Variants in TP73 observed in about 807,000 individuals in gnomAD.
TP73 encodes tumor protein p73.
In TP73, 25 loss-of-function variants were observed where a neutral mutation model predicts 62.5. That is an observed-to-expected ratio of 0.40 (90% CI 0.29 to 0.56). The LOEUF is 0.56. Ranked by LOEUF, TP73 falls within the 20% of genes least tolerant of loss-of-function variation. TP73 has a pLI of 0.46. For synonymous variants in TP73, 423 were observed against 377.5 expected (o/e 1.12, Z -1.40); for missense variants, 754 against 913.3 (o/e 0.83, Z 2.25).
At chr1:3,660,067 G>A (rs1644957840) in intron 1 of TP73, among the ~76,000 whole-genome samples, 2 of 152,202 alleles carry the variant, frequency 1.3e-5, no homozygotes, top group South Asian at 4.1e-4. Flanking sequence ...ATAGTAAGTG[G>A]CCAGCTAGGC....
chr1:3,664,464 C>G (rs183585951), intron 1 of TP73, among the ~76,000 whole-genome samples: 6 of 151,632 alleles, frequency 4.0e-5, no homozygotes, highest in African/African-American at 1.4e-4. Flanking sequence ...CAGTATTTCA[C>G]TGGGTCCTTT....
intron 4 of TP73, among the ~76,000 whole-genome samples, chr1:3,711,867 T>TGCGC (rs1553142279): frequency 2.0e-5 from 3 of 147,904 alleles, no homozygotes; most frequent in African/African-American, 7.4e-5. Flanking sequence ...TGTGTGTGTG[T>TGCGC]GCGCGAGCAT....
intron 4 of TP73, among the ~76,000 whole-genome samples, chr1:3,719,918 G>GTGTGTGTGTGTGTGTGTGTGTGTGTT (rs1395414013): frequency 6.6e-6 from 1 of 151,524 alleles, no homozygotes; most frequent in African/African-American, 2.4e-5. Context: ...GTGTGTGTGT[G>GTGTGTGTGTGTGTGTGTGTGTGTGTT]TGTGTGTGTG....
At chr1:3,726,901 C>CGATGGATAGGTG (rs1553146649) in intron 6 of TP73, among the ~76,000 whole-genome samples, 2 of 147,474 alleles carry the variant, frequency 1.4e-5, no homozygotes, top group African/African-American at 2.5e-5. Context: ...TAAATGGGTT[C>CGATGGATAGGTG]GATGGATGGA....
chr1:3,711,409 C>A (rs919278604), intron 4 of TP73, among the ~76,000 whole-genome samples: 4 of 152,274 alleles, frequency 2.6e-5, no homozygotes, highest in Non-Finnish European at 5.9e-5. Context: ...GTGGTGTGGA[C>A]AGCTGGTTCC....
intron 1 of TP73, among the ~76,000 whole-genome samples, chr1:3,677,142 C>T (rs554776001): frequency 1.3e-5 from 2 of 152,204 alleles, no homozygotes; most frequent in East Asian, 3.9e-4. Flanking sequence ...CACCTGTGCT[C>T]CGTGGGTCCC....
chr1:3,726,578 AGTGGATGGATGGATGGATGGG>A (rs1375763427), intron 6 of TP73, among the ~76,000 whole-genome samples: 4 of 110,266 alleles, frequency 3.6e-5, no homozygotes, highest in African/African-American at 1.4e-4. Flanking sequence ...TAAGTGGGGG[AGTGGATGGATGGATGGATGGG>A]GTGGATGGAT....
chr1:3,733,132 C>T lies in TP73; in HGVS notation c.*53C>T. The T allele has an allele frequency of 1.4e-6, 2 of 1,473,730 alleles. No homozygotes were observed. Among genetic ancestry groups the T allele is most frequent in the Non-Finnish European group, 1.8e-6 (2 of 1,108,876 alleles). The allele number at this position is 1,473,730 out of a possible 1,614,324, so 91.3% of individuals were successfully genotyped here. A position where few individuals can be genotyped will look rare whatever the true frequency, so the allele number is the denominator to read the frequency against. On this transcript the variant is annotated 3_prime_UTR_variant, in exon 14 of 14. Coordinates refer to ENST00000378295, the MANE Select transcript of TP73 (RefSeq NM_005427.4). ...ACCGCCCAGAGACCCAAGCTGCCTC[C>T]CCTCTCCTTCCTGTGTGTCCAAAAC...
In TP73 at chr1:3,730,000, G is replaced by A; in HGVS notation, c.1197G>A (p.Pro399=). The change falls in exon 11 of 14, where the codon CCG becomes CCA. Residue 399 remains proline, a splice_region_variant and synonymous_variant. Transcript: ENST00000378295. ...CATGCGAGCCGTTGCTTCTGAGCAGGAGTCACCTACAGCCCCCGTCCTACG... is the reference window on the plus strand; with the variant it reads ...CATGCGAGCCGTTGCTTCTGAGCAGAAGTCACCTACAGCCCCCGTCCTACG... The part of the protein sequence containing the change: ...YRQQQQLLQR[P]SHLQPPSYGP... 2 of 1,587,326 alleles carry A rather than the reference G, an allele frequency of 1.3e-6. No individual in the cohort carries two copies. The highest frequency in any genetic ancestry group is 2.3e-5 in the East Asian group (1 of 44,272).
In TP73 at chr1:3,728,169, C is replaced by A; in HGVS notation, c.1026C>A (p.Ala342=). ...QSPPAVPALG[A]GVKKRRHGDE... ...CCCCTGCCGTCCCCGCCCTTGGTGC[C>A]GGTGTGAAGAAGCGGCGGCATGGAG... The change falls in exon 9 of 14, where the codon GCC becomes GCA. Residue 342 remains alanine (A), a synonymous_variant. Coordinates refer to ENST00000378295, the MANE Select transcript of TP73 (RefSeq NM_005427.4). 1 of 1,611,974 alleles carries A rather than the reference C, an allele frequency of 6.2e-7. No individual in the cohort carries two copies. Among genetic ancestry groups the A allele is most frequent in the Non-Finnish European group, 8.5e-7 (1 of 1,179,954 alleles).
intron 4 of TP73, among the ~76,000 whole-genome samples, chr1:3,720,459 C>T (rs1640979770): frequency 6.6e-6 from 1 of 152,196 alleles, no homozygotes; most frequent in Non-Finnish European, 1.5e-5. Flanking sequence ...CACTGAAGGA[C>T]CCCCTTCCAC....
chr1:3,732,963 C>G lies in TP73; in HGVS notation c.1795C>G (p.Arg599Gly). The G allele has an allele frequency of 6.2e-7, 1 of 1,605,756 alleles. No individual in the cohort carries two copies. ...GCGCCACACCATCACCATCCCCAAC[C>G]GCGGCGGCCCAGGCGGCGGCCCTGA... Reference protein sequence around the residue: ...RVRHTITIPNRGGPGGGPDEW... With the variant: ...RVRHTITIPNGGGPGGGPDEW... The change falls in exon 14 of 14, where the codon CGC (arginine) becomes GGC (glycine). Residue 599 changes from arginine (R) to glycine (G), a missense_variant. By Grantham distance (125) the Arg-to-Gly change is moderately radical. Around this residue, in one of 3 missense-constraint regions of TP73, gnomAD observed 458 missense variants for 528.7 expected, o/e 0.87. Transcript: ENST00000378295.
At chr1:3,731,601 G>C (rs371993523) in intron 13 of TP73, 45 bp downstream of exon 13, 2 of 1,579,460 alleles carry the variant, frequency 1.3e-6, no homozygotes, top group Non-Finnish European at 1.7e-6. Context: ...GTAGCTGGAG[G>C]GGCCCCTGTC....
chr1:3,652,660 G>C lies in TP73; in HGVS notation c.-34+19G>C, dbSNP rs985954651. 2 of 152,320 alleles carry C rather than the reference G, an allele frequency of 1.3e-5. No individual in the cohort carries two copies. The highest frequency in any genetic ancestry group is 2.9e-5 in the Non-Finnish European group (2 of 68,158). 9.4% of individuals were successfully genotyped at this position (152,320 alleles called of 1,614,324 possible). A position where few individuals can be genotyped will look rare whatever the true frequency, so the allele number is the denominator to read the frequency against. On this transcript the variant is annotated intron_variant, in intron 1 of 13. Transcript: ENST00000378295. ...GCTGCAGGTAGGAGGCCCAGGGCCG[G>C]GGGGCGGTTCGGCTCCGCGGGCGGG... is the stretch of plus-strand genomic sequence containing the variant.
chr1:3,689,148 G>C (rs1248339662), intron 3 of TP73, among the ~76,000 whole-genome samples: 2 of 152,082 alleles, frequency 1.3e-5, no homozygotes, highest in African/African-American at 4.8e-5. Context: ...TCATCCCCAG[G>C]GCATCCCCGA....
chr1:3,691,061 C>A, intron 3 of TP73: 1 of 1,440,712 alleles, frequency 6.9e-7, no homozygotes, highest in Non-Finnish European at 9.5e-7. Context: ...AGTCTGCTGC[C>A]AGTTGGGGTG....
chr1:3,690,844 A>T (rs1440646540), intron 3 of TP73: 2 of 1,550,748 alleles, frequency 1.3e-6, no homozygotes, highest in African/African-American at 2.7e-5. Flanking sequence ...GGCCGCCCAG[A>T]TCCATGCCTC....
intron 10 of TP73, 123 bp from the exon 11 acceptor site, chr1:3,729,877 G>GA: frequency 7.4e-7 from 1 of 1,355,650 alleles, no homozygotes; most frequent in South Asian, 1.5e-5. Flanking sequence ...GGGGGAGGAT[G>GA]AAGCCACTCT....
chr1:3,695,320 C>T (rs1313867988), intron 3 of TP73, among the ~76,000 whole-genome samples: 1 of 152,232 alleles, frequency 6.6e-6, no homozygotes, highest in Non-Finnish European at 1.5e-5. Flanking sequence ...CCACTTCCTC[C>T]TGGGGCCGCT....
Sources: allele counts gnomAD v4.1 joint callset (sites outside exome capture counted in the v4.1 genomes callset), GRCh38; gene constraint gnomAD v4.1.1; regional missense constraint gnomAD v4.1.1; transcripts MANE v1.5; gene names NCBI Gene and HGNC (gene_info 2026-07-23, HGNC 2026-07-21).